Variants in CD160 observed in about 807,000 individuals in gnomAD.
CD160 encodes the protein CD160 antigen.
CD160 carries 11 observed loss-of-function variants against 19.2 expected under a neutral mutation model. The ratio of observed to expected loss-of-function variants is 0.57; its 90% confidence interval spans 0.36 to 0.95. The LOEUF (loss-of-function observed/expected upper bound fraction) is 0.95, where lower values mean the gene tolerates loss of function less well. Among genes scored for constraint, CD160 ranks in the 40% least tolerant of loss-of-function variants. The pLI, the probability that CD160 is intolerant of heterozygous loss-of-function variation, is 0.01. For synonymous variants in CD160, 75 were observed against 81.1 expected, an observed-to-expected ratio of 0.93 and a Z score of 0.40; for missense variants, 182 against 213.2, an observed-to-expected ratio of 0.85 and a Z score of 0.91.
chr1:145,730,709 C>A, intron 3 of CD160, 35 bp from the exon 4 acceptor site: 1 of 1,566,098 alleles, frequency 6.4e-7, no homozygotes, highest in Non-Finnish European at 8.7e-7. Flanking sequence ...AGAATGCTAC[C>A]TGACCTCTGG....
intron 1 of CD160, among the ~76,000 whole-genome samples, chr1:145,724,493 A>C (rs1656977051): frequency 6.6e-6 from 1 of 152,216 alleles, no homozygotes; most frequent in Non-Finnish European, 1.5e-5. Flanking sequence ...ATATTTTACC[A>C]TTAAATATGA....
chr1:145,729,256 G>A (rs1180776315), intron 3 of CD160, among the ~76,000 whole-genome samples: 2 of 152,100 alleles, frequency 1.3e-5, no homozygotes, highest in Non-Finnish European at 2.9e-5. Flanking sequence ...ATATGCAGGG[G>A]GCAGCCTCCA....
chr1:145,738,576 C>A lies in CD160; in HGVS notation c.*83C>A. The A allele has an allele frequency of 2.2e-6, 2 of 893,820 alleles. No individual in the cohort carries two copies. The highest frequency in any genetic ancestry group is 3.1e-6 in the Non-Finnish European group (2 of 639,712). 55.4% of individuals were successfully genotyped at this position (893,820 alleles called of 1,614,324 possible). A position where few individuals can be genotyped will look rare whatever the true frequency, so the allele number is the denominator to read the frequency against. On this transcript the variant is annotated 3_prime_UTR_variant, in exon 6 of 6. Transcript: ENST00000369288. ...TTAGTATCTTTCTCATTACAATAGG[C>A]ACAGAGAAGAATGCAACAGGGCACA...
chr1:145,737,783 T>A (rs1657553989), intron 5 of CD160: 1 of 149,262 alleles, frequency 6.7e-6, no homozygotes, highest in South Asian at 2.1e-4. Context: ...ATCTCTGGCC[T>A]TTTTTTCCTT....
At position 145,728,290 on chromosome 1, in the gene CD160, T is replaced by A. The variant is rs1553708630; in HGVS notation, c.-38T>A. On this transcript the variant is annotated 5_prime_UTR_variant, in exon 3 of 6. Coordinates refer to ENST00000369288, the MANE Select transcript of CD160 (RefSeq NM_007053.4). ...GCCAAGGATACCAGCAGAGCCAACA[T>A]TTGCTTCAAGTTCCTGGGCCTGCTG... 1.9e-5 allele frequency: 29 copies of A among 1,545,480 alleles called. No individual in the cohort carries two copies. The highest frequency in any genetic ancestry group is 2.5e-5 in the Non-Finnish European group (28 of 1,121,802).
intron 4 of CD160, among the ~76,000 whole-genome samples, chr1:145,734,120 G>A (rs1657397228): frequency 6.6e-6 from 1 of 152,090 alleles, no homozygotes; most frequent in African/African-American, 2.4e-5. Flanking sequence ...GTACTTAGTG[G>A]GGAAGAATAG....
intron 3 of CD160, among the ~76,000 whole-genome samples, chr1:145,728,919 G>A (rs1209842584): frequency 1.3e-5 from 2 of 152,058 alleles, no homozygotes; most frequent in African/African-American, 2.4e-5. Context: ...GATTCCTTTA[G>A]GCTCTTATAT....
chr1:145,720,313 T>G (rs1309344078), intron 1 of CD160, among the ~76,000 whole-genome samples: 3 of 152,218 alleles, frequency 2.0e-5, no homozygotes, highest in Non-Finnish European at 4.4e-5. Context: ...CCCATGTATC[T>G]TATTAATTTT....
chr1:145,730,380 T>G (rs1657238315), intron 3 of CD160, among the ~76,000 whole-genome samples: 1 of 152,138 alleles, frequency 6.6e-6, no homozygotes, highest in Non-Finnish European at 1.5e-5. Flanking sequence ...AAAAAAAAGT[T>G]CTGACAGTAG....
At chr1:145,722,741 G>T (rs1025138236) in intron 1 of CD160, among the ~76,000 whole-genome samples, 2 of 151,796 alleles carry the variant, frequency 1.3e-5, no homozygotes, top group Admixed American at 6.6e-5. Flanking sequence ...ACAGGCGCCC[G>T]CCACCACGCC....
intron 5 of CD160, 128 bp downstream of exon 5, chr1:145,736,262 C>A: frequency 6.4e-7 from 1 of 1,559,190 alleles, no homozygotes; most frequent in Middle Eastern, 1.8e-4. Context: ...GTTACTCAAG[C>A]CCTGGCTATC....
intron 4 of CD160, among the ~76,000 whole-genome samples, chr1:145,732,194 G>A (rs1657323452): frequency 6.6e-6 from 1 of 151,952 alleles, no homozygotes. Context: ...AATTTACCTA[G>A]AATTATATAT....
Position 145,730,840 on chromosome 1 carries a change from T to TA in CD160, c.171dup (p.Val58SerfsTer14). ...AAGAAAGAAGAGGCTGAGGGGTTTG[T>TA]AGTGTTTTTGTGCAAGGACAGGTCT... On this transcript the variant is annotated frameshift_variant, in exon 4 of 6. Transcript: ENST00000369288. LOFTEE classifies it high-confidence loss of function. 2 of 1,614,180 alleles carry TA rather than the reference T, an allele frequency of 1.2e-6. No individual in the cohort carries two copies. Among genetic ancestry groups the TA allele is most frequent in the Non-Finnish European group, 1.7e-6 (2 of 1,179,996 alleles).
At chr1:145,721,361 C>A (rs1295054829) in intron 1 of CD160, among the ~76,000 whole-genome samples, 1 of 152,166 alleles carries the variant, frequency 6.6e-6, no homozygotes, top group Non-Finnish European at 1.5e-5. Flanking sequence ...TCAGCGCCGC[C>A]GGCTCCGCGC....
At chr1:145,727,120 A>G (rs1657079608) in intron 2 of CD160, among the ~76,000 whole-genome samples, 1 of 152,186 alleles carries the variant, frequency 6.6e-6, no homozygotes, top group South Asian at 2.1e-4. Context: ...CCACTTCAAA[A>G]GTTATAAACT....
rs1480509185 is a variant in CD160 at position 145,738,724 on chromosome 1, T to C, written c.*231T>C. 5 of 367,406 alleles carry C rather than the reference T, an allele frequency of 1.4e-5. No homozygotes were observed. The highest frequency in any genetic ancestry group is 1.5e-5 in the Non-Finnish European group (3 of 204,728). 22.8% of individuals were successfully genotyped at this position (367,406 alleles called of 1,614,324 possible). A position where few individuals can be genotyped will look rare whatever the true frequency, so the allele number is the denominator to read the frequency against. On this transcript the variant is annotated 3_prime_UTR_variant, in exon 6 of 6. Transcript: ENST00000369288. Reference sequence around the variant, plus strand: ...TGCCTTCTTCCCTCCTAAGCTCCAGTAAATAAACAGAACAGCTTTCACCAA... The same window carrying C: ...TGCCTTCTTCCCTCCTAAGCTCCAGCAAATAAACAGAACAGCTTTCACCAA...
In CD160 at chr1:145,728,304, C is replaced by T. The variant is rs782094040; in HGVS notation, c.-24C>T. 16 of 1,597,012 alleles carry T rather than the reference C, an allele frequency of 1.0e-5. No individual in the cohort carries two copies. The highest frequency in any genetic ancestry group is 8.8e-5 in the South Asian group (8 of 90,772). On this transcript the variant is annotated 5_prime_UTR_variant, in exon 3 of 6. Coordinates refer to ENST00000369288, the MANE Select transcript of CD160 (RefSeq NM_007053.4). The stretch of plus-strand genomic sequence containing the variant: ...CAGAGCCAACATTTGCTTCAAGTTC[C>T]TGGGCCTGCTGACAGCGTGCAGGAT...
chr1:145,723,832 C>A (rs587627518), intron 1 of CD160, among the ~76,000 whole-genome samples: 3 of 152,238 alleles, frequency 2.0e-5, no homozygotes, highest in Non-Finnish European at 2.9e-5. Context: ...GATCCGCACG[C>A]CTCCCAAAGT....
chr1:145,730,356 C>G (rs587774629), intron 3 of CD160, among the ~76,000 whole-genome samples: 1 of 152,174 alleles, frequency 6.6e-6, no homozygotes, highest in South Asian at 2.1e-4. Context: ...CCCCGGTCAT[C>G]TAATGGTTAG....
Sources: allele counts gnomAD v4.1 joint callset (sites outside exome capture counted in the v4.1 genomes callset), GRCh38; gene constraint gnomAD v4.1.1; transcripts MANE v1.5; gene names NCBI Gene and HGNC (gene_info 2026-07-23, HGNC 2026-07-21).